ADCK1: variants seen among roughly 807,000 people sequenced by gnomAD.
The protein encoded by ADCK1 is aarF domain-containing protein kinase 1.
A neutral mutation model predicts 52.3 loss-of-function variants in ADCK1; 41 were observed. That is an observed-to-expected ratio of 0.78 (90% CI 0.61 to 1.02). ADCK1 has a LOEUF of 1.02. ADCK1 is among the 50% of genes least tolerant of loss of function. The pLI is 0.00. For missense variants in ADCK1, 658 were observed against 679.5 expected (o/e 0.97, Z 0.35); for synonymous variants, 250 against 274.6 (o/e 0.91, Z 0.89).
At position 77,814,425 on chromosome 14, in the gene ADCK1, T is replaced by TG. The variant is rs2081398565; in HGVS notation, c.-11-4542dup. ...GGTAGACAATGAAGCCTCTCTTTAC[T>TG]GAAAAAAAAAACAAAAAACAAAAAT... On this transcript the variant is annotated intron_variant, in intron 1 of 10. Transcript: ENST00000238561. Among the ~76,000 whole-genome samples the TG allele has an allele frequency of 7.7e-5, 3 of 39,000 alleles. No homozygotes were observed. The East Asian group carries it at 1.4e-3, about 19-fold the overall frequency. 25.6% of individuals were successfully genotyped at this position (39,000 alleles called of 152,430 possible).
At chr14:77,892,456 A>C (rs1473383556) in intron 5 of ADCK1, among the ~76,000 whole-genome samples, 1 of 152,148 alleles carries the variant, frequency 6.6e-6, no homozygotes, top group Non-Finnish European at 1.5e-5. Flanking sequence ...AACTTGGGTC[A>C]GCTGTTCCAA....
At position 77,898,641 on chromosome 14, in the gene ADCK1, G is replaced by A. The variant is rs151331160; in HGVS notation, c.583-459G>A. Among the ~76,000 whole-genome samples, 53 of 152,196 alleles carry A rather than the reference G, an allele frequency of 3.5e-4. No homozygotes were observed. In the East Asian group the frequency reaches 9.1e-3, roughly 26 times the overall value. The stretch of plus-strand genomic sequence containing the variant: ...GAACAACACACCTGGGGCCTGTTGG[G>A]CGACGGTTGGGGGGTGGGGGAGAGC... On this transcript the variant is annotated intron_variant, in intron 5 of 10. Coordinates refer to ENST00000238561, the MANE Select transcript of ADCK1 (RefSeq NM_020421.4).
chr14:77,900,091 T>G (rs1200694937), intron 6 of ADCK1, among the ~76,000 whole-genome samples: 1 of 91,872 alleles, frequency 1.1e-5, no homozygotes, highest in African/African-American at 4.2e-5. Flanking sequence ...AAAAAGAAAA[T>G]TCATCAGTAA....
rs1203182938 is a variant in ADCK1, at chr14:77,899,238, A to C, written c.721A>C (p.Arg241=). ...TGCTGAGAAGGTGTCCCAGATGCTC[A>C]GGCATTTTGACTTCTTGAAGGTAGG... The part of the protein sequence containing the change: ...RNAEKVSQML[R]HFDFLKVPRI... Residue 241 remains arginine, a synonymous_variant, in exon 6 of 11, where the codon AGG becomes CGG. Transcript: ENST00000238561. The C allele has an allele frequency of 6.2e-7, 1 of 1,614,156 alleles. No individual in the cohort carries two copies. Among genetic ancestry groups the C allele is most frequent in the Non-Finnish European group, 8.5e-7 (1 of 1,179,986 alleles).
At chr14:77,927,576 T>A (rs1319920239) in intron 9 of ADCK1, among the ~76,000 whole-genome samples, 1 of 152,110 alleles carries the variant, frequency 6.6e-6, no homozygotes, top group Non-Finnish European at 1.5e-5. Flanking sequence ...AACAGGTGAA[T>A]GGAATAACTG....
At chr14:77,930,075 G>A (rs973794738) in intron 9 of ADCK1, among the ~76,000 whole-genome samples, 6 of 152,112 alleles carry the variant, frequency 3.9e-5, no homozygotes, top group South Asian at 2.1e-4. Context: ...GCTGTCCCCC[G>A]GTAGTAGCCT....
chr14:77,833,967 A>T (rs996011726), intron 3 of ADCK1, among the ~76,000 whole-genome samples: 18 of 152,182 alleles, frequency 1.2e-4, no homozygotes, highest in African/African-American at 4.3e-4. Context: ...ACAAAGTGTA[A>T]AAAGGAATTC....
intron 5 of ADCK1, among the ~76,000 whole-genome samples, chr14:77,891,513 G>T (rs1242259495): frequency 1.3e-5 from 2 of 152,178 alleles, no homozygotes; most frequent in Non-Finnish European, 2.9e-5. Flanking sequence ...AATGGTTGCT[G>T]TAAGGTCAGA....
intron 3 of ADCK1, among the ~76,000 whole-genome samples, chr14:77,839,316 G>A (rs955981140): frequency 3.3e-5 from 5 of 152,192 alleles, no homozygotes; most frequent in Non-Finnish European, 4.4e-5. Context: ...GCTGGGCTCT[G>A]GCTGGGCGTG....
At chr14:77,883,498 A>G (rs2083079768) in intron 4 of ADCK1, among the ~76,000 whole-genome samples, 1 of 152,184 alleles carries the variant, frequency 6.6e-6, no homozygotes, top group South Asian at 2.1e-4. Flanking sequence ...TCAAGGTTCC[A>G]TTTAGAGATA....
At chr14:77,874,400 G>A (rs565753316) in intron 4 of ADCK1, among the ~76,000 whole-genome samples, 38 of 152,248 alleles carry the variant, frequency 2.5e-4, no homozygotes, top group African/African-American at 8.7e-4. Flanking sequence ...GAGGTGAGAG[G>A]TGAGCAGGAC....
intron 5 of ADCK1, among the ~76,000 whole-genome samples, chr14:77,897,061 C>T (rs957057865): frequency 6.6e-6 from 1 of 152,138 alleles, no homozygotes; most frequent in Non-Finnish European, 1.5e-5. Context: ...TGAGACAAGG[C>T]TTTTATCTGG....
At chr14:77,900,082 A>G (rs146223184) in intron 6 of ADCK1, among the ~76,000 whole-genome samples, 1 of 110,590 alleles carries the variant, frequency 9.0e-6, no homozygotes, top group Non-Finnish European at 1.8e-5. Context: ...AAAAAAAAAA[A>G]AAAGAAAATT....
chr14:77,894,286 C>G (rs78073578), intron 5 of ADCK1, among the ~76,000 whole-genome samples: 6,524 of 152,238 alleles, frequency 0.043, 279 homozygotes, highest in African/African-American at 0.11. Flanking sequence ...AACTGATTTT[C>G]GATCCTTGTT....
chr14:77,884,213 C>A (rs887550852), intron 4 of ADCK1, among the ~76,000 whole-genome samples: 2 of 152,344 alleles, frequency 1.3e-5, no homozygotes, highest in Admixed American at 1.3e-4. Context: ...CCCCAAATCC[C>A]TTTTCAGTGG....
chr14:77,815,080 A>T (rs1318234152), intron 1 of ADCK1, among the ~76,000 whole-genome samples: 1 of 147,586 alleles, frequency 6.8e-6, no homozygotes, highest in Non-Finnish European at 1.5e-5. Context: ...TTTAGTAGAG[A>T]CGGGGTTTCA....
At chr14:77,846,084 C>A (rs974914267) in intron 3 of ADCK1, among the ~76,000 whole-genome samples, 19 of 152,158 alleles carry the variant, frequency 1.2e-4, no homozygotes, top group African/African-American at 4.3e-4. Flanking sequence ...CAAGAACCAG[C>A]TGCCACATGG....
At chr14:77,816,896 A>ATATATATATATATG (rs2081465166) in intron 1 of ADCK1, among the ~76,000 whole-genome samples, 1 of 145,046 alleles carries the variant, frequency 6.9e-6, no homozygotes, top group South Asian at 2.1e-4. Flanking sequence ...ATATATATAT[A>ATATATATATATATG]TATATATTTA....
In ADCK1 at chr14:77,933,404, T is replaced by A. The variant is rs185928007; in HGVS notation, c.*13T>A. On this transcript the variant is annotated 3_prime_UTR_variant, in exon 11 of 11. Coordinates refer to ENST00000238561, the MANE Select transcript of ADCK1 (RefSeq NM_020421.4). ...TGCTCCACTCTGAGTGGAATTGCTC[T>A]CCCTGCCCCATTCTGGTGTCTTTCC... 5.0e-3 allele frequency: 7,998 copies of A among 1,612,124 alleles called. 24 individuals carry two copies. The highest frequency in any genetic ancestry group is 6.2e-3 in the Non-Finnish European group (7,322 of 1,178,614).
Sources: allele counts gnomAD v4.1 joint callset (sites outside exome capture counted in the v4.1 genomes callset), GRCh38; gene constraint gnomAD v4.1.1; transcripts MANE v1.5; gene names NCBI Gene and HGNC (gene_info 2026-07-23, HGNC 2026-07-21).